Variants in CDH22 observed in about 807,000 individuals in gnomAD.
The protein encoded by CDH22 is cadherin 22, also known as cadherin-22.
A neutral mutation model predicts 58.4 loss-of-function variants in CDH22; 30 were observed. That is an observed-to-expected ratio of 0.51 (90% confidence interval 0.38 to 0.70). The LOEUF is 0.70. CDH22 is among the 30% of genes least tolerant of loss of function. CDH22 has a pLI of 0.00. For missense variants in CDH22, 1,014 were observed against 1,233.9 expected (o/e 0.82, Z 2.67); for synonymous variants, 513 against 558.2 (o/e 0.92, Z 1.14).
At chr20:46,177,288 G>A (rs964268958) in intron 11 of CDH22, among the ~76,000 whole-genome samples, 9 of 152,218 alleles carry the variant, frequency 5.9e-5, no homozygotes, top group Non-Finnish European at 1.2e-4. Flanking sequence ...GCTGTAACAG[G>A]TGGCATATGG....
rs1339282985 is a variant in CDH22, at chr20:46,216,067, C to T, written c.838+759G>A. Among the ~76,000 whole-genome samples the T allele has an allele frequency of 6.6e-6, 1 of 152,180 alleles. No individual in the cohort carries two copies. The highest frequency in any genetic ancestry group is 1.5e-5 in the Non-Finnish European group (1 of 68,010). ...CCTGTGGCGGGGCCTAATGTGAGAG[C>T]AGCAGACCTCAAGTAATGACTCACC... is the stretch of plus-strand genomic sequence containing the variant. On this transcript the variant is annotated intron_variant, in intron 5 of 11. Coordinates refer to ENST00000537909, the MANE Select transcript of CDH22 (RefSeq NM_021248.3). The surrounding 1 kb of genome is among the most constrained non-coding windows in gnomAD (Gnocchi z 5.3).
At chr20:46,301,519 G>A (rs1482102822) in intron 1 of CDH22, among the ~76,000 whole-genome samples, 4 of 132,742 alleles carry the variant, frequency 3.0e-5, no homozygotes, top group Admixed American at 7.3e-5. Flanking sequence ...ATATATATAT[G>A]TATATATATG....
chr20:46,253,655 T>A (rs1453170307), intron 1 of CDH22, among the ~76,000 whole-genome samples: 1 of 152,148 alleles, frequency 6.6e-6, no homozygotes, highest in Non-Finnish European at 1.5e-5. Flanking sequence ...CTGGTCGTAA[T>A]GAGACTGGAG....
At position 46,199,449 on chromosome 20, in the gene CDH22, T is replaced by G. The variant is rs1568655672; in HGVS notation, c.1397A>C (p.Asn466Thr). The change falls in exon 8 of 12, where the codon AAC becomes ACC. Residue 466 changes from asparagine (N) to threonine (T), a missense_variant. By Grantham distance (65) the Asn-to-Thr change is moderately conservative. Around this residue, in one of 2 missense-constraint regions of CDH22, gnomAD observed 806 missense variants for 1,038.7 expected, o/e 0.78. Coordinates refer to ENST00000537909, the MANE Select transcript of CDH22 (RefSeq NM_021248.3). ...GLDRETAGWH[N>T]ITVLAMEADN... is the part of the protein sequence containing the mutation. ...CGCCTCCATGGCCAGCACTGTGATG[T>G]TGTGCCAGCCGGCCGTCTCGCGGTC... The G allele has an allele frequency of 6.2e-7, 1 of 1,613,006 alleles. No homozygotes were observed. Among genetic ancestry groups the G allele is most frequent in the Non-Finnish European group, 8.5e-7 (1 of 1,180,002 alleles).
At chr20:46,245,337 C>T (rs768333145) in intron 2 of CDH22, among the ~76,000 whole-genome samples, 10 of 152,308 alleles carry the variant, frequency 6.6e-5, no homozygotes, top group East Asian at 1.9e-4. Flanking sequence ...TCACCTGCTC[C>T]GTTCCTGCCC....
intron 11 of CDH22, among the ~76,000 whole-genome samples, chr20:46,175,494 C>T (rs1334948475): frequency 6.6e-6 from 1 of 152,160 alleles, no homozygotes; most frequent in Non-Finnish European, 1.5e-5. Context: ...GTCCTTCACC[C>T]TGACCTCTCT....
chr20:46,199,710 A>T, intron 7 of CDH22, 151 bp from the exon 8 acceptor site: 1 of 945,258 alleles, frequency 1.1e-6, no homozygotes, highest in South Asian at 1.7e-5. Flanking sequence ...GAGGAGCGGG[A>T]AGCAACTGGG....
At chr20:46,265,219 G>A (rs2086453493) in intron 1 of CDH22, among the ~76,000 whole-genome samples, 1 of 152,148 alleles carries the variant, frequency 6.6e-6, no homozygotes, top group Admixed American at 6.5e-5. Context: ...AACGCGTCCG[G>A]ATGGGGGCAG....
intron 1 of CDH22, among the ~76,000 whole-genome samples, chr20:46,276,509 G>A (rs571066040): frequency 1.3e-5 from 2 of 152,308 alleles, no homozygotes; most frequent in South Asian, 4.1e-4. Context: ...AATAACCATG[G>A]CCAGCATTTA....
intron 1 of CDH22, among the ~76,000 whole-genome samples, chr20:46,264,192 C>T (rs2086447460): frequency 6.6e-6 from 1 of 152,052 alleles, no homozygotes; most frequent in Admixed American, 6.5e-5. Flanking sequence ...TCACAATAAC[C>T]CCATAAAGTA....
At position 46,241,360 on chromosome 20, in the gene CDH22, T is replaced by A; in HGVS notation, c.256-103A>T. On this transcript the variant is annotated intron_variant, in intron 2 of 11. Transcript: ENST00000537909. The surrounding 1 kb of genome is among the most constrained non-coding windows in gnomAD (Gnocchi z 5.2). ...TGCCTATTCCTAAGCCCATCTCTTC[T>A]CCAGCACATACACATCTTTAGTGAG... 1 of 958,970 alleles carries A rather than the reference T, an allele frequency of 1.0e-6. No individual in the cohort carries two copies. Among genetic ancestry groups the A allele is most frequent in the Non-Finnish European group, 1.5e-6 (1 of 654,226 alleles). 59.4% of individuals were successfully genotyped at this position (958,970 alleles called of 1,614,324 possible).
chr20:46,255,963 C>G (rs920782131), intron 1 of CDH22, among the ~76,000 whole-genome samples: 10 of 152,174 alleles, frequency 6.6e-5, no homozygotes, highest in African/African-American at 2.4e-4. Context: ...GAGCCCAGGC[C>G]TGGCTCAATA....
Position 46,254,406 on chromosome 20 carries a change from T to C in CDH22, c.-399-2713A>G, listed in dbSNP as rs549506249. On this transcript the variant is annotated intron_variant, in intron 1 of 11. Transcript: ENST00000537909. ...CCCATCTCTACTAAAAATACAAAAA[T>C]TAGCCAGGCATGGTGGTGGGTGCCT... Among the ~76,000 whole-genome samples, 18 of 151,894 alleles carry C rather than the reference T, an allele frequency of 1.2e-4. No homozygotes were observed. In the East Asian group the frequency reaches 3.3e-3, roughly 28 times the overall value.
intron 4 of CDH22, 31 bp downstream of exon 4, chr20:46,227,473 CACGG>C: frequency 3.3e-6 from 5 of 1,515,834 alleles, no homozygotes; most frequent in Non-Finnish European, 4.4e-6. Flanking sequence ...GGCCCCGCCC[CACGG>C]CTCCGCCTCT....
intron 1 of CDH22, among the ~76,000 whole-genome samples, chr20:46,272,704 A>T (rs1189520246): frequency 6.6e-6 from 1 of 152,178 alleles, no homozygotes; most frequent in Non-Finnish European, 1.5e-5. Context: ...ACTAGCAGAG[A>T]TTGTTAGTAT....
Position 46,181,606 on chromosome 20 carries a change from T to TC in CDH22, c.1664-3410dup, listed in dbSNP as rs1555800175. 4.1e-5 allele frequency among the ~76,000 whole-genome samples: 6 copies of TC among 147,638 alleles called. No individual in the cohort carries two copies. In the South Asian group the frequency reaches 1.1e-3, roughly 27 times the overall value. On this transcript the variant is annotated intron_variant, in intron 10 of 11. Coordinates refer to ENST00000537909, the MANE Select transcript of CDH22 (RefSeq NM_021248.3). ...CCTTCCTTCCCTTCCTTCCCTTCCT[T>TC]CCTTCCCTCCCTCCCTCCCTCCCTT...
chr20:46,286,866 G>C (rs1048570885), intron 1 of CDH22, among the ~76,000 whole-genome samples: 1 of 152,152 alleles, frequency 6.6e-6, no homozygotes, highest in Non-Finnish European at 1.5e-5. Flanking sequence ...AGACTCATCT[G>C]TCTGCCATTC....
At chr20:46,226,863 C>T (rs960363707) in intron 4 of CDH22, among the ~76,000 whole-genome samples, 2 of 152,206 alleles carry the variant, frequency 1.3e-5, no homozygotes, top group African/African-American at 4.8e-5. Context: ...GTCTTCTCAT[C>T]CTGTCCTCCT....
intron 10 of CDH22, among the ~76,000 whole-genome samples, chr20:46,183,747 T>C (rs896354969): frequency 4.4e-5 from 5 of 114,430 alleles, no homozygotes; most frequent in Admixed American, 1.9e-4. Context: ...TACAGATGGG[T>C]CTGGCTTCAG....
Sources: gnomAD v4.1 joint callset for allele counts (sites outside exome capture counted in the v4.1 genomes callset) on GRCh38, gnomAD v4.1.1 for gene constraint, gnomAD v4.1.1 regional missense constraint, Gnocchi (gnomAD v3.1) non-coding constraint, MANE v1.5 for transcripts, NCBI Gene and HGNC (gene_info 2026-07-23, HGNC 2026-07-21) for gene names.